The following UCHL1 variants were observed in gnomAD, a reference collection of about 807,000 sequenced individuals.
UCHL1 encodes ubiquitin C-terminal hydrolase L1.
In UCHL1, 5 loss-of-function variants were observed where a neutral mutation model predicts 33.3. That is an observed-to-expected ratio of 0.15 (90% CI 0.08 to 0.32). The LOEUF (loss-of-function observed/expected upper bound fraction) is 0.32. Ranked by LOEUF, UCHL1 falls within the 10% of genes least tolerant of loss-of-function variation. The probability of loss-of-function intolerance (pLI) is 1.00; values close to 1 mark genes in which losing one functional copy is unlikely to be tolerated. For missense variants in UCHL1, 236 were observed against 280.0 expected, an observed-to-expected ratio of 0.84 and a Z score of 1.12; for synonymous variants, 132 against 108.8, an observed-to-expected ratio of 1.21 and a Z score of -1.33.
intron 6 of UCHL1, among the ~76,000 whole-genome samples, chr4:41,262,211 C>T (rs185694509): frequency 6.6e-6 from 1 of 152,242 alleles, no homozygotes. Context: ...CCTGTAATCC[C>T]AACAATTTGG....
At chr4:41,260,606 A>T (rs1419913493) in intron 3 of UCHL1, 41 bp from the exon 4 acceptor site, 1 of 1,611,340 alleles carries the variant, frequency 6.2e-7, no homozygotes, top group Non-Finnish European at 8.5e-7. Flanking sequence ...TGTTCTTTGC[A>T]CTTTCATTCT....
chr4:41,257,640 GGC>G lies in UCHL1; in HGVS notation c.80_81del (p.Arg27LeufsTer33). 1 of 1,562,054 alleles carries G rather than the reference GGC, an allele frequency of 6.4e-7. No homozygotes were observed. ...TCCCGGCTGGGGGTCGCCGGCCAGT[GGC>G]GCTTCGTGGACGTGCTGGGGCTGGA... On this transcript the variant is annotated frameshift_variant, in exon 3 of 9. Coordinates refer to ENST00000284440, the MANE Select transcript of UCHL1 (RefSeq NM_004181.5). LOFTEE classifies it high-confidence loss of function.
intron 8 of UCHL1, among the ~76,000 whole-genome samples, chr4:41,265,605 G>T (rs148330130): frequency 6.6e-6 from 1 of 152,032 alleles, no homozygotes; most frequent in African/African-American, 2.4e-5. Context: ...AAGTTAGTCC[G>T]CATCTAGAGT....
chr4:41,263,406 C>CTCAATACTTTATATA, intron 7 of UCHL1, 115 bp downstream of exon 7: 2 of 1,059,106 alleles, frequency 1.9e-6, no homozygotes, highest in Non-Finnish European at 2.9e-6. Context: ...GTTTATAAAG[C>CTCAATACTTTATATA]CACAATAACA....
intron 3 of UCHL1, 66 bp from the exon 4 acceptor site, chr4:41,260,581 T>G: frequency 1.3e-6 from 2 of 1,573,256 alleles, no homozygotes; most frequent in Non-Finnish European, 1.7e-6. Context: ...TTGGTAGAAC[T>G]CATGTGCTGC....
chr4:41,267,978 C>A lies in UCHL1; in HGVS notation c.586-9C>A, dbSNP rs774191188. 4 of 1,611,822 alleles carry A rather than the reference C, an allele frequency of 2.5e-6. No individual in the cohort carries two copies. The Admixed American group carries it at 6.7e-5, about 27-fold the overall frequency. On this transcript the variant is annotated splice_polypyrimidine_tract_variant and intron_variant, in intron 8 of 8. Coordinates refer to ENST00000284440, the MANE Select transcript of UCHL1 (RefSeq NM_004181.5). ...CTGTTTGGATTTTAATGACATTTCT[C>A]CTTTCCAGGACGCTGCCAAGGTCTG...
chr4:41,261,576 G>A lies in UCHL1; in HGVS notation c.326-139G>A, dbSNP rs1410617891. The A allele has an allele frequency of 4.6e-6, 4 of 877,622 alleles. No individual in the cohort carries two copies. In the African/African-American group the frequency reaches 5.0e-5, roughly 11 times the overall value. 54.4% of individuals were successfully genotyped at this position (877,622 alleles called of 1,614,324 possible). ...TTAGAAAAAGAGGCTAGGGGAAAAGGTACAGCTCATCCACAACCCTGGAGG... is the reference window on the plus strand; with the variant it reads ...TTAGAAAAAGAGGCTAGGGGAAAAGATACAGCTCATCCACAACCCTGGAGG... On this transcript the variant is annotated intron_variant, in intron 4 of 8. Coordinates refer to ENST00000284440, the MANE Select transcript of UCHL1 (RefSeq NM_004181.5).
rs747468259 is a variant in UCHL1 at position 41,268,038 on chromosome 4, C to T, written c.637C>T (p.Arg213Cys). 13 of 1,613,432 alleles carry T rather than the reference C, an allele frequency of 8.1e-6. No homozygotes were observed. The highest frequency in any genetic ancestry group is 2.2e-5 in the South Asian group (2 of 90,762). Residue 213 changes from arginine to cysteine, a missense_variant, in exon 9 of 9, where the codon CGC becomes TGC. By Grantham distance (180) the Arg-to-Cys change is radical. Transcript: ENST00000284440. ...EFTEREQGEVRFSAVALCKAA is the reference protein window; with the variant it reads ...EFTEREQGEVCFSAVALCKAA ...CACCGAGCGTGAGCAAGGAGAAGTC[C>T]GCTTCTCTGCCGTGGCTCTCTGCAA...
intron 7 of UCHL1, 46 bp downstream of exon 7, chr4:41,263,337 C>A: frequency 1.3e-6 from 2 of 1,535,666 alleles, no homozygotes; most frequent in Non-Finnish European, 1.8e-6. Flanking sequence ...TTCATGTGTT[C>A]TTTCAGACTG....
intron 2 of UCHL1, 184 bp downstream of exon 2, chr4:41,257,310 C>T (rs1780993279): frequency 9.1e-7 from 1 of 1,095,410 alleles, no homozygotes; most frequent in Non-Finnish European, 1.3e-6. Context: ...TCTACGAAAC[C>T]GGTCACGGGG....
At chr4:41,264,440 G>A (rs1222022358) in intron 8 of UCHL1, 1 of 502,148 alleles carries the variant, frequency 2.0e-6, no homozygotes, top group Non-Finnish European at 3.6e-6. Context: ...GCTTCCTGGT[G>A]GGATTAAGGT....
intron 7 of UCHL1, 42 bp from the exon 8 acceptor site, chr4:41,264,061 A>C (rs1031432317): frequency 1.9e-6 from 3 of 1,614,066 alleles, no homozygotes; most frequent in Non-Finnish European, 2.5e-6. Context: ...GTAGCCAGAA[A>C]ACATGCAGAG....
chr4:41,259,830 C>T (rs943313469), intron 3 of UCHL1, among the ~76,000 whole-genome samples: 1 of 152,166 alleles, frequency 6.6e-6, no homozygotes, highest in Non-Finnish European at 1.5e-5. Flanking sequence ...GACCCTGGCT[C>T]AAGAAATCAT....
In UCHL1 at chr4:41,262,081, G is replaced by A. The variant is rs555081806; in HGVS notation, c.459+158G>A. On this transcript the variant is annotated intron_variant, in intron 6 of 8. Transcript: ENST00000284440. Reference sequence around the variant, plus strand: ...CCCAAATAATGCTTTGACTAGACCTGTTCATAAAAAAAGTTTTCTTCAGAA... The same window carrying A: ...CCCAAATAATGCTTTGACTAGACCTATTCATAAAAAAAGTTTTCTTCAGAA... Among the ~76,000 whole-genome samples the A allele has an allele frequency of 1.4e-5, 2 of 145,150 alleles. 1 individual carries two copies. Among genetic ancestry groups the A allele is most frequent in the South Asian group, 4.7e-4 (2 of 4,252 alleles).
chr4:41,264,841 G>C (rs892871892), intron 8 of UCHL1, among the ~76,000 whole-genome samples: 1 of 152,176 alleles, frequency 6.6e-6, no homozygotes, highest in African/African-American at 2.4e-5. Flanking sequence ...TTAGCTTGCT[G>C]TGCTGAAGAA....
At chr4:41,267,292 G>A (rs1781169362) in intron 8 of UCHL1, among the ~76,000 whole-genome samples, 1 of 152,106 alleles carries the variant, frequency 6.6e-6, no homozygotes, top group South Asian at 2.1e-4. Context: ...CGCCCAGGCT[G>A]GAGTGTAGTG....
chr4:41,267,776 A>C (rs1264871410), intron 8 of UCHL1, among the ~76,000 whole-genome samples: 1 of 152,178 alleles, frequency 6.6e-6, no homozygotes, highest in Non-Finnish European at 1.5e-5. Flanking sequence ...GCACAAAACC[A>C]TTTGGTGGAA....
At chr4:41,260,213 A>C (rs1005679211) in intron 3 of UCHL1, among the ~76,000 whole-genome samples, 1 of 152,236 alleles carries the variant, frequency 6.6e-6, no homozygotes, top group Admixed American at 6.5e-5. Context: ...AGAATAATGA[A>C]ATGTAAACCA....
At chr4:41,267,356 G>A (rs922670704) in intron 8 of UCHL1, among the ~76,000 whole-genome samples, 3 of 152,114 alleles carry the variant, frequency 2.0e-5, no homozygotes, top group Non-Finnish European at 2.9e-5. Context: ...CCATTCTCCT[G>A]CCTTAGCCTC....
Sources: gnomAD v4.1 joint callset for allele counts (sites outside exome capture counted in the v4.1 genomes callset) on GRCh38, gnomAD v4.1.1 for gene constraint, MANE v1.5 for transcripts, NCBI Gene and HGNC (gene_info 2026-07-23, HGNC 2026-07-21) for gene names.